COBLL1: variants seen among roughly 807,000 people sequenced by gnomAD.
The protein encoded by COBLL1 is cordon-bleu WH2 repeat protein like 1, also known as cordon-bleu protein-like 1.
A neutral mutation model predicts 94.8 loss-of-function variants in COBLL1; 50 were observed. The observed-to-expected ratio is 0.53, with a 90% CI of 0.42 to 0.67. The LOEUF is 0.67. Among genes scored for constraint, COBLL1 ranks in the 30% least tolerant of loss-of-function variants. COBLL1 has a pLI of 0.00. For synonymous variants in COBLL1, 448 were observed against 473.8 expected, an observed-to-expected ratio of 0.95 and a Z score of 0.71; for missense variants, 1,362 against 1,348.7, an observed-to-expected ratio of 1.01 and a Z score of -0.15.
intron 2 of COBLL1, among the ~76,000 whole-genome samples, chr2:164,755,411 G>GT (rs1687348334): frequency 6.6e-6 from 1 of 152,128 alleles, no homozygotes; most frequent in South Asian, 2.1e-4. Context: ...CTTCTGCATA[G>GT]TATGTTCAAT....
In COBLL1 at chr2:164,722,208, TC is replaced by T; in HGVS notation, c.862del (p.Asp288MetfsTer34). On this transcript the variant is annotated frameshift_variant, in exon 7 of 14. Coordinates refer to ENST00000652658, the MANE Select transcript of COBLL1 (RefSeq NM_001365672.2). LOFTEE classifies it high-confidence loss of function. ...KPYISNTLPS[D>X]APKKRRAPLP... The stretch of plus-strand genomic sequence containing the variant: ...TGGAGCCCGCCTCTTCTTGGGTGCA[TC>T]CGACGGCAGGGTGTTGGAAATATAT... 6.2e-7 allele frequency: 1 copy of T among 1,614,086 alleles called. No individual in the cohort carries two copies. Among genetic ancestry groups the T allele is most frequent in the Non-Finnish European group, 8.5e-7 (1 of 1,180,004 alleles).
rs1053144314 is a variant in COBLL1, at chr2:164,684,778, T to C, written c.*1168A>G. 2 of 152,118 alleles carry C rather than the reference T, an allele frequency of 1.3e-5. No homozygotes were observed. The highest frequency in any genetic ancestry group is 2.9e-5 in the Non-Finnish European group (2 of 68,000). 9.4% of individuals were successfully genotyped at this position (152,118 alleles called of 1,614,324 possible). ...AAGCACCCCAAATATACAACTTGCT[T>C]TTATTAAATTGAAAAAAAAATCCCC... On this transcript the variant is annotated 3_prime_UTR_variant, in exon 14 of 14. Transcript: ENST00000652658.
At chr2:164,778,044 G>A (rs2105267578) in intron 2 of COBLL1, among the ~76,000 whole-genome samples, 1 of 152,246 alleles carries the variant, frequency 6.6e-6, no homozygotes, top group African/African-American at 2.4e-5. Context: ...ATGCATAATG[G>A]CCAAGAGTTG....
At chr2:164,703,680 G>T in intron 9 of COBLL1, 1 of 356,650 alleles carries the variant, frequency 2.8e-6, no homozygotes, top group Non-Finnish European at 5.5e-6. Context: ...TCCTGTATTT[G>T]GAATATAAAT....
intron 13 of COBLL1, 50 bp downstream of exon 13, chr2:164,692,171 A>G (rs761842334): frequency 6.7e-7 from 1 of 1,487,414 alleles, no homozygotes; most frequent in Non-Finnish European, 9.0e-7. Flanking sequence ...TATTAGTTTG[A>G]CAATGGTGAC....
chr2:164,765,189 G>A (rs558381723), intron 2 of COBLL1, among the ~76,000 whole-genome samples: 2 of 152,084 alleles, frequency 1.3e-5, no homozygotes, highest in East Asian at 1.9e-4. Flanking sequence ...GACATCATGC[G>A]CTTCATGACA....
intron 2 of COBLL1, among the ~76,000 whole-genome samples, chr2:164,769,627 G>C (rs985966569): frequency 9.9e-5 from 15 of 152,184 alleles, no homozygotes; most frequent in African/African-American, 3.6e-4. Flanking sequence ...GGGTGGCCAA[G>C]GGAGACAGAT....
rs368270832 is a variant in COBLL1, at chr2:164,717,058, T to C, written c.996+5017A>G. On this transcript the variant is annotated intron_variant, in intron 7 of 13. Coordinates refer to ENST00000652658, the MANE Select transcript of COBLL1 (RefSeq NM_001365672.2). ...TTGTCATGTGTTACTGACATTTATC[T>C]CTCTAGCTTTATTTACCCGCATGAA... Among the ~76,000 whole-genome samples, 17 of 152,300 alleles carry C rather than the reference T, an allele frequency of 1.1e-4. No individual in the cohort carries two copies. In the South Asian group the frequency reaches 1.9e-3, roughly 17 times the overall value.
At chr2:164,699,664 G>A (rs534586488) in intron 10 of COBLL1, among the ~76,000 whole-genome samples, 165 bp from the exon 11 acceptor site, 24 of 152,050 alleles carry the variant, frequency 1.6e-4, no homozygotes, top group Admixed American at 1.4e-3. Context: ...TTTAATAGCA[G>A]AGAAAAAATA....
At chr2:164,766,673 G>A (rs1023616551) in intron 2 of COBLL1, among the ~76,000 whole-genome samples, 7 of 152,056 alleles carry the variant, frequency 4.6e-5, no homozygotes, top group East Asian at 1.9e-4. Flanking sequence ...ATAGCAGTGC[G>A]AGAACGAACT....
chr2:164,841,224 A>G lies in COBLL1; in HGVS notation c.-28T>C. The stretch of plus-strand genomic sequence containing the variant: ...CCCTGCGGGGCGCTGCGCGGGCTCC[A>G]GCTCCCAGGCGGCGCGTCACTGCTG... On this transcript the variant is annotated 5_prime_UTR_variant, in exon 2 of 14. Transcript: ENST00000652658. The surrounding 1 kb of genome is among the most constrained non-coding windows in gnomAD (Gnocchi z 5.5). 1.6e-6 allele frequency: 2 copies of G among 1,230,728 alleles called. No homozygotes were observed. Among genetic ancestry groups the G allele is most frequent in the Non-Finnish European group, 2.0e-6 (2 of 988,140 alleles). 76.2% of individuals were successfully genotyped at this position (1,230,728 alleles called of 1,614,324 possible).
chr2:164,689,978 A>G (rs1045351537), intron 13 of COBLL1, among the ~76,000 whole-genome samples: 1 of 152,158 alleles, frequency 6.6e-6, no homozygotes, highest in African/African-American at 2.4e-5. Flanking sequence ...ATGCATATAT[A>G]TCTGTGTATT....
intron 2 of COBLL1, among the ~76,000 whole-genome samples, chr2:164,815,392 C>T (rs1436803774): frequency 2.3e-5 from 3 of 127,886 alleles, no homozygotes; most frequent in Non-Finnish European, 4.8e-5. Flanking sequence ...GAGTGATATC[C>T]TATCTCAAAA....
chr2:164,841,541 G>A lies in COBLL1; in HGVS notation c.-51+169C>T. ...TCTCGGAGGGAGAGGAGCCGCCGGG[G>A]CTGGAAAAGGAGGAGGAGCGGGGCC... On this transcript the variant is annotated intron_variant, in intron 1 of 13. Transcript: ENST00000652658. The surrounding 1 kb of genome is among the most constrained non-coding windows in gnomAD (Gnocchi z 5.5). 2.3e-6 allele frequency: 2 copies of A among 854,162 alleles called. No individual in the cohort carries two copies. Among genetic ancestry groups the A allele is most frequent in the Non-Finnish European group, 3.0e-6 (2 of 676,714 alleles). 52.9% of individuals were successfully genotyped at this position (854,162 alleles called of 1,614,324 possible). A position where few individuals can be genotyped will look rare whatever the true frequency, so the allele number is the denominator to read the frequency against.
At chr2:164,807,126 A>G (rs1684201394) in intron 2 of COBLL1, among the ~76,000 whole-genome samples, 1 of 152,140 alleles carries the variant, frequency 6.6e-6, no homozygotes, top group African/African-American at 2.4e-5. Flanking sequence ...ATTTTCAAGA[A>G]GTCTATTTTG....
chr2:164,700,417 C>G, intron 10 of COBLL1, 105 bp downstream of exon 10: 1 of 693,418 alleles, frequency 1.4e-6, no homozygotes, highest in Non-Finnish European at 2.4e-6. Flanking sequence ...AAGTCAAAAC[C>G]AAAGGGCTGA....
chr2:164,672,092 T>A (rs1298100303), intron 1 of COBLL1, among the ~76,000 whole-genome samples: 54 of 152,214 alleles, frequency 3.5e-4, no homozygotes, highest in Admixed American at 3.5e-3. Flanking sequence ...TATAGTTGAT[T>A]CTTTTTATTT....
At chr2:164,769,358 C>T (rs1320623176) in intron 2 of COBLL1, among the ~76,000 whole-genome samples, 3 of 152,158 alleles carry the variant, frequency 2.0e-5, no homozygotes, top group East Asian at 3.9e-4. Context: ...TGTAGGGTTG[C>T]TAAACATCTA....
chr2:164,733,158 T>C (rs1055808932), intron 3 of COBLL1, among the ~76,000 whole-genome samples: 2 of 152,246 alleles, frequency 1.3e-5, no homozygotes, highest in Non-Finnish European at 2.9e-5. Flanking sequence ...TGTATAAACA[T>C]ATAAACATTT....
Sources: allele counts gnomAD v4.1 joint callset (sites outside exome capture counted in the v4.1 genomes callset), GRCh38; gene constraint gnomAD v4.1.1; non-coding constraint Gnocchi (gnomAD v3.1); transcripts MANE v1.5; gene names NCBI Gene and HGNC (gene_info 2026-07-23, HGNC 2026-07-21).